LRP1B: variants seen among roughly 807,000 people sequenced by gnomAD.
LRP1B encodes LDL receptor related protein 1B, also known as low-density lipoprotein receptor-related protein 1B.
A neutral mutation model predicts 556.6 loss-of-function variants in LRP1B; 217 were observed. The ratio of observed to expected loss-of-function variants is 0.39; its 90% CI spans 0.35 to 0.44. The LOEUF is 0.44. Among genes scored for constraint, LRP1B ranks in the 20% least tolerant of loss-of-function variants. The probability of loss-of-function intolerance (pLI) is 1.00; values close to 1 mark genes in which losing one functional copy is unlikely to be tolerated. For synonymous variants in LRP1B, 2,047 were observed against 1,865.8 expected (o/e 1.10, Z -2.50); for missense variants, 5,053 against 5,620.8 (o/e 0.90, Z 3.23).
chr2:141,446,768 C>T (rs1304636476), intron 3 of LRP1B, among the ~76,000 whole-genome samples: 7 of 152,134 alleles, frequency 4.6e-5, no homozygotes, highest in Admixed American at 2.0e-4. Context: ...AGGGTTTCTG[C>T]GGAGAGAGAC....
Position 142,127,914 on chromosome 2 carries a change from A to T in LRP1B, c.82+2734T>A, listed in dbSNP as rs139462034. 7.6e-4 allele frequency among the ~76,000 whole-genome samples: 115 copies of T among 152,188 alleles called. 2 individuals are homozygous for T. The East Asian group carries it at 0.02, about 26-fold the overall frequency. The stretch of plus-strand genomic sequence containing the variant: ...TAAGTTTTAATCCTTATCAAGCAAT[A>T]CTTTGATATGATATGACATTGTTAT... On this transcript the variant is annotated intron_variant, in intron 1 of 90. Coordinates refer to ENST00000389484, the MANE Select transcript of LRP1B (RefSeq NM_018557.3).
intron 3 of LRP1B, among the ~76,000 whole-genome samples, chr2:141,399,551 T>C (rs1006124387): frequency 6.6e-6 from 1 of 152,176 alleles, no homozygotes; most frequent in Non-Finnish European, 1.5e-5. Context: ...TCTGTAAATC[T>C]CATGGTTACT....
intron 67 of LRP1B, among the ~76,000 whole-genome samples, chr2:140,380,987 C>T (rs571154078): frequency 9.9e-5 from 15 of 152,214 alleles, no homozygotes; most frequent in African/African-American, 3.1e-4. Flanking sequence ...GTTTCTATCA[C>T]GTTTTTAAAA....
intron 7 of LRP1B, among the ~76,000 whole-genome samples, chr2:141,081,891 A>G (rs1476293085): frequency 1.3e-5 from 2 of 152,160 alleles, no homozygotes; most frequent in Admixed American, 1.3e-4. Context: ...ATACCTATAA[A>G]CTGAATCTGT....
intron 72 of LRP1B, among the ~76,000 whole-genome samples, chr2:140,362,657 G>A (rs1573846892): frequency 6.6e-6 from 1 of 151,364 alleles, no homozygotes; most frequent in Admixed American, 6.6e-5. Flanking sequence ...TCCTTTGTCC[G>A]CAATTTTGTA....
At chr2:141,984,468 G>GTAA (rs1702128904) in intron 1 of LRP1B, among the ~76,000 whole-genome samples, 1 of 152,078 alleles carries the variant, frequency 6.6e-6, no homozygotes, top group Non-Finnish European at 1.5e-5. Context: ...AATGAGTATT[G>GTAA]TAATTCAGGC....
intron 1 of LRP1B, among the ~76,000 whole-genome samples, chr2:141,982,620 T>C (rs144917770): frequency 2.1e-3 from 325 of 152,300 alleles, no homozygotes; most frequent in African/African-American, 7.5e-3. Context: ...CAGTGGGAAA[T>C]ATTGAAGTAT....
In LRP1B at chr2:140,501,877, G is replaced by A. The variant is rs977236522; in HGVS notation, c.8663-3C>T. ...AAATGAACTGTTGCATGACTGTTCT[G>A]GAAAAAAAATAAAACAAATGGAACA... On this transcript the variant is annotated splice_region_variant and splice_polypyrimidine_tract_variant and intron_variant, in intron 54 of 90. Coordinates refer to ENST00000389484, the MANE Select transcript of LRP1B (RefSeq NM_018557.3). 6.4e-6 allele frequency: 10 copies of A among 1,570,672 alleles called. No individual in the cohort carries two copies. In the African/African-American group the frequency reaches 8.2e-5, roughly 13 times the overall value.
intron 66 of LRP1B, among the ~76,000 whole-genome samples, chr2:140,412,598 C>G (rs756353864): frequency 7.9e-5 from 12 of 151,948 alleles, no homozygotes; most frequent in Non-Finnish European, 1.8e-4. Context: ...ATAAAGTACC[C>G]ACTATGTGTC....
At position 140,933,451 on chromosome 2, in the gene LRP1B, C is replaced by T. The variant is rs577315858; in HGVS notation, c.3137-10304G>A. ...TTATTTTTTGCTGAATGCCTGAAAT[C>T]CTACAGTTTAATAGTCATTAATCAT... On this transcript the variant is annotated intron_variant, in intron 20 of 90. Coordinates refer to ENST00000389484, the MANE Select transcript of LRP1B (RefSeq NM_018557.3). Among the ~76,000 whole-genome samples the T allele has an allele frequency of 8.6e-5, 13 of 152,028 alleles. No homozygotes were observed. The South Asian group carries it at 2.5e-3, about 29-fold the overall frequency.
At chr2:140,846,046 A>G (rs1162147347) in intron 29 of LRP1B, among the ~76,000 whole-genome samples, 2 of 152,120 alleles carry the variant, frequency 1.3e-5, no homozygotes, top group Non-Finnish European at 2.9e-5. Flanking sequence ...CAAAATATAG[A>G]TATTATAATG....
intron 2 of LRP1B, among the ~76,000 whole-genome samples, chr2:141,807,384 G>C (rs973761517): frequency 1.3e-5 from 2 of 151,840 alleles, no homozygotes; most frequent in Non-Finnish European, 2.9e-5. Flanking sequence ...GAATAAAACA[G>C]GTACAAAAAA....
At chr2:141,967,015 T>C (rs1701584442) in intron 1 of LRP1B, among the ~76,000 whole-genome samples, 1 of 151,892 alleles carries the variant, frequency 6.6e-6, no homozygotes, top group South Asian at 2.1e-4. Context: ...TCTATTACAC[T>C]GGTCTTTTCC....
chr2:141,126,144 G>A (rs1307308397), intron 7 of LRP1B, among the ~76,000 whole-genome samples: 3 of 151,574 alleles, frequency 2.0e-5, no homozygotes, highest in Admixed American at 2.0e-4. Flanking sequence ...TGATTCTCTT[G>A]CCTCAGCCTC....
At chr2:141,657,893 C>T (rs1690073721) in intron 2 of LRP1B, among the ~76,000 whole-genome samples, 1 of 152,192 alleles carries the variant, frequency 6.6e-6, no homozygotes, top group African/African-American at 2.4e-5. Context: ...AACATACATT[C>T]ATTTTGCCTT....
intron 24 of LRP1B, among the ~76,000 whole-genome samples, chr2:140,884,492 C>G (rs1267048701): frequency 3.9e-5 from 6 of 152,098 alleles, no homozygotes; most frequent in Non-Finnish European, 5.9e-5. Flanking sequence ...CTCTTTTTCT[C>G]TTTTTAGAAG....
intron 35 of LRP1B, among the ~76,000 whole-genome samples, chr2:140,717,286 G>A (rs1300002522): frequency 6.6e-6 from 1 of 151,980 alleles, no homozygotes; most frequent in Non-Finnish European, 1.5e-5. Flanking sequence ...AGAAACATAA[G>A]AGCATTTCAA....
intron 77 of LRP1B, among the ~76,000 whole-genome samples, chr2:140,343,800 C>A (rs371381511): frequency 6.6e-6 from 1 of 151,624 alleles, no homozygotes; most frequent in South Asian, 2.1e-4. Context: ...ATCTCACAAT[C>A]ATTGTGCTGG....
At chr2:140,420,631 T>A (rs1394546354) in intron 66 of LRP1B, among the ~76,000 whole-genome samples, 3 of 151,930 alleles carry the variant, frequency 2.0e-5, no homozygotes, top group African/African-American at 7.3e-5. Flanking sequence ...GGTTAATGAA[T>A]AAAAAATTAG....
Sources: gnomAD v4.1 joint callset for allele counts (sites outside exome capture counted in the v4.1 genomes callset) on GRCh38, gnomAD v4.1.1 for gene constraint, MANE v1.5 for transcripts, NCBI Gene and HGNC (gene_info 2026-07-23, HGNC 2026-07-21) for gene names.